The following SV2C variants were observed in gnomAD, a reference collection of about 807,000 sequenced individuals.
The protein encoded by SV2C is solute carrier family 22 member B3.
Under a neutral mutation model 79.7 loss-of-function variants are expected in SV2C, and 49 were observed. The observed-to-expected ratio is 0.61, with a 90% CI of 0.49 to 0.78. SV2C has a LOEUF of 0.78. SV2C is among the 30% of genes least tolerant of loss of function. The pLI is 0.00. For synonymous variants in SV2C, 334 were observed against 333.2 expected, an observed-to-expected ratio of 1.00 and a Z score of -0.03; for missense variants, 833 against 912.9, an observed-to-expected ratio of 0.91 and a Z score of 1.13.
chr5:75,953,618 A>G, the SV2C span, among the ~76,000 whole-genome samples: 1 of 151,924 alleles, frequency 6.6e-6, no homozygotes, highest in Non-Finnish European at 1.5e-5. Context: ...GGCCTTTCCC[A>G]TATATGCTAC....
chr5:75,959,180 G>C, the SV2C span, among the ~76,000 whole-genome samples: 1 of 151,948 alleles, frequency 6.6e-6, no homozygotes, highest in East Asian at 1.9e-4. Context: ...ACAGTCCAGA[G>C]TTGAACAACT....
the SV2C span, among the ~76,000 whole-genome samples, chr5:76,060,541 C>T: frequency 1.3e-5 from 2 of 152,098 alleles, no homozygotes; most frequent in Admixed American, 1.3e-4. Context: ...TTTTCTCCTG[C>T]AGCTTCCTCA....
rs1554048529 is a variant in SV2C at position 76,330,860 on chromosome 5, T to TTGGGGGG, written c.*5313_*5314insTGGGGGG. 1 of 13,642 alleles carries TTGGGGGG rather than the reference T, an allele frequency of 7.3e-5. No homozygotes were observed. Among genetic ancestry groups the TTGGGGGG allele is most frequent in the Non-Finnish European group, 1.7e-4 (1 of 6,022 alleles). The allele number at this position is 13,642 out of a possible 1,614,324, so 0.8% of individuals were successfully genotyped here. The stretch of plus-strand genomic sequence containing the variant: ...CTCTAGAGCATTTTTTTTTTTTTTT[T>TTGGGGGG]GGGCGGGGGGGCGGGGGACGGAGTC... On this transcript the variant is annotated 3_prime_UTR_variant, in exon 13 of 13. Coordinates refer to ENST00000502798, the MANE Select transcript of SV2C (RefSeq NM_014979.4).
exon 13 of SV2C, chr5:76,353,174 G>T (rs1225823049): frequency 4.6e-6 from 2 of 439,424 alleles, no homozygotes; most frequent in Non-Finnish European, 9.2e-6. Flanking sequence ...TGAACTCCTG[G>T]CCTCAAGCAA....
chr5:75,995,248 G>A, the SV2C span, among the ~76,000 whole-genome samples: 2 of 151,978 alleles, frequency 1.3e-5, no homozygotes, highest in Non-Finnish European at 1.5e-5. Context: ...GCATCCCTTA[G>A]CCCAGTCAAG....
At chr5:75,895,877 A>G in the SV2C span, among the ~76,000 whole-genome samples, 2 of 152,248 alleles carry the variant, frequency 1.3e-5, no homozygotes, top group East Asian at 3.9e-4. Flanking sequence ...GAAATTTTCC[A>G]CAAAAACATT....
chr5:76,211,503 T>G (rs998268699), intron 4 of SV2C, among the ~76,000 whole-genome samples: 3 of 150,006 alleles, frequency 2.0e-5, no homozygotes, highest in African/African-American at 7.4e-5. Context: ...TGTGTGTACA[T>G]GCACACACAC....
At chr5:75,931,942 A>G in the SV2C span, among the ~76,000 whole-genome samples, 81,709 of 151,958 alleles carry the variant, frequency 0.54, 22,326 homozygotes, top group East Asian at 0.63. Flanking sequence ...TCACCTGAAC[A>G]GCAGCCTCTT....
chr5:75,992,095 T>C, the SV2C span, among the ~76,000 whole-genome samples: 2 of 152,116 alleles, frequency 1.3e-5, no homozygotes, highest in African/African-American at 2.4e-5. Flanking sequence ...TATTATTAGA[T>C]GTATTTCTGA....
chr5:76,172,150 T>C (rs1433811271), intron 2 of SV2C, among the ~76,000 whole-genome samples: 5 of 20,712 alleles, frequency 2.4e-4, no homozygotes, highest in African/African-American at 4.4e-4. Context: ...CCGCCCCGTC[T>C]GAGAGGTGAG....
intron 2 of SV2C, among the ~76,000 whole-genome samples, chr5:76,143,854 G>A (rs886949483): frequency 5.9e-5 from 9 of 152,184 alleles, no homozygotes; most frequent in Admixed American, 1.3e-4. Flanking sequence ...CAACTGAGCC[G>A]TTCTTGGAGT....
At chr5:76,234,393 G>T (rs7722224) in intron 4 of SV2C, among the ~76,000 whole-genome samples, 1 of 152,022 alleles carries the variant, frequency 6.6e-6, no homozygotes, top group African/African-American at 2.4e-5. Flanking sequence ...ATCAAACTCA[G>T]TGTAACATAT....
intron 10 of SV2C, among the ~76,000 whole-genome samples, chr5:76,300,168 T>TA (rs1219296414): frequency 6.8e-6 from 1 of 146,776 alleles, no homozygotes; most frequent in Non-Finnish European, 1.5e-5. Context: ...TTATTATTAT[T>TA]ATTATTATTA....
chr5:75,949,683 G>A, the SV2C span, among the ~76,000 whole-genome samples: 1 of 151,978 alleles, frequency 6.6e-6, no homozygotes, highest in Non-Finnish European at 1.5e-5. Context: ...CTGCCACCAT[G>A]TAAGATATCC....
the SV2C span, among the ~76,000 whole-genome samples, chr5:76,044,156 C>T: frequency 4.6e-5 from 7 of 152,236 alleles, no homozygotes; most frequent in South Asian, 4.1e-4. Flanking sequence ...TGAGAACATG[C>T]GATGTTTGTT....
chr5:76,154,172 A>G (rs567436233), intron 2 of SV2C, among the ~76,000 whole-genome samples: 1 of 152,346 alleles, frequency 6.6e-6, no homozygotes, highest in South Asian at 2.1e-4. Flanking sequence ...ACCTGCTACC[A>G]GAAAGCCAAG....
chr5:76,180,595 A>G (rs564068100), intron 2 of SV2C, among the ~76,000 whole-genome samples: 7 of 152,210 alleles, frequency 4.6e-5, no homozygotes, highest in Admixed American at 2.0e-4. Context: ...GCTCCTCTGA[A>G]TTGCAGTTGT....
At chr5:76,336,534 A>C (rs1322465226), downstream of SV2C, among the ~76,000 whole-genome samples, 1 of 152,130 alleles carries the variant, frequency 6.6e-6, no homozygotes, top group Non-Finnish European at 1.5e-5. Flanking sequence ...CGGGAGGCCA[A>C]GGCAGGCGGC....
At chr5:76,084,901 G>T (rs990665974) in intron 1 of SV2C, among the ~76,000 whole-genome samples, 3 of 152,084 alleles carry the variant, frequency 2.0e-5, no homozygotes, top group East Asian at 1.9e-4. Context: ...AGGCGGCTCC[G>T]CAGTGCGCCG....
Sources: allele counts gnomAD v4.1 joint callset (sites outside exome capture counted in the v4.1 genomes callset), GRCh38; gene constraint gnomAD v4.1.1; transcripts MANE v1.5; gene names NCBI Gene and HGNC (gene_info 2026-07-23, HGNC 2026-07-21).